The following ADGRG2 variants were observed in gnomAD, a reference collection of about 807,000 sequenced individuals.
The protein encoded by ADGRG2 is G protein-coupled receptor 64.
Under a neutral mutation model 74.1 loss-of-function variants are expected in ADGRG2, and 26 were observed. That is an observed-to-expected ratio of 0.35 (90% CI 0.26 to 0.49). The LOEUF is 0.49. Among genes scored for constraint, ADGRG2 ranks in the 20% least tolerant of loss-of-function variants. The pLI is 0.99. For synonymous variants in ADGRG2, 296 were observed against 295.2 expected, an observed-to-expected ratio of 1.00 and a Z score of -0.03; for missense variants, 619 against 763.1, an observed-to-expected ratio of 0.81 and a Z score of 2.22.
At position 19,009,862 on chromosome X, in the gene ADGRG2, G is replaced by A. The variant is rs1026507117; in HGVS notation, c.1266-80C>T. The A allele has an allele frequency of 7.7e-6, 6 of 774,286 alleles. No individual in the cohort carries two copies. In the Admixed American group the frequency reaches 1.2e-4, roughly 15 times the overall value. The allele number at this position is 774,286 out of a possible 1,213,427, so 63.8% of individuals were successfully genotyped here. ...AGTCTCGCTCTGTTGCCAGGCTGGG[G>A]TGCAGTGGCGTGATCTCGGCTCACT... On this transcript the variant is annotated intron_variant, in intron 17 of 28. Coordinates refer to ENST00000379869, the MANE Select transcript of ADGRG2 (RefSeq NM_001079858.3).
At chrX:19,121,515 C>A (rs2062609152) in intron 1 of ADGRG2, among the ~76,000 whole-genome samples, 2 of 110,889 alleles carry the variant, frequency 1.8e-5, no homozygotes, top group Non-Finnish European at 3.8e-5. Flanking sequence ...GTCTTAGGAC[C>A]TCGTCTCCCA....
At chrX:19,034,946 A>T (rs1478447327) in intron 7 of ADGRG2, 1 of 111,562 alleles carries the variant, frequency 9.0e-6, no homozygotes, top group African/African-American at 3.3e-5. Flanking sequence ...AAAAAAAAAA[A>T]TCTTTTAAAT....
At chrX:19,043,731 G>A (rs1326706737) in intron 3 of ADGRG2, among the ~76,000 whole-genome samples, 1 of 102,727 alleles carries the variant, frequency 9.7e-6, no homozygotes, top group Non-Finnish European at 2.0e-5. Flanking sequence ...CCCATCAATG[G>A]AGTCTCTTTC....
chrX:19,007,106 C>A (rs2060251430), intron 20 of ADGRG2, 129 bp downstream of exon 20: 2 of 616,797 alleles, frequency 3.2e-6, no homozygotes, highest in Non-Finnish European at 5.2e-6. Context: ...TGATTCTAGT[C>A]CTGCAAACTA....
At chrX:19,065,261 C>CAAAAAAAAAA (rs749063279) in intron 3 of ADGRG2, among the ~76,000 whole-genome samples, 10 of 11,094 alleles carry the variant, frequency 9.0e-4, no homozygotes, top group Admixed American at 2.1e-3. Flanking sequence ...GATCCTGTCT[C>CAAAAAAAAAA]AAAAAAAAAA....
chrX:19,069,683 A>G (rs944670342), intron 2 of ADGRG2, among the ~76,000 whole-genome samples: 1 of 111,140 alleles, frequency 9.0e-6, no homozygotes, highest in Admixed American at 9.5e-5. Flanking sequence ...CTTCAGAGGG[A>G]TGGCTTGACA....
chrX:18,992,291 C>T (rs1182190740), intron 28 of ADGRG2, among the ~76,000 whole-genome samples: 4 of 111,265 alleles, frequency 3.6e-5, no homozygotes, highest in Admixed American at 9.5e-5. Flanking sequence ...AAACTTCTAG[C>T]TTTTTTTGTT....
At chrX:19,094,748 C>A (rs1235037870) in intron 1 of ADGRG2, among the ~76,000 whole-genome samples, 4 of 112,620 alleles carry the variant, frequency 3.6e-5, no homozygotes, top group Non-Finnish European at 1.9e-5. Context: ...TGACTCTGCC[C>A]GGTTCCACCG....
chrX:19,101,101 T>TTGTGTGTGTGTGTGTGTG (rs10579733), intron 1 of ADGRG2, among the ~76,000 whole-genome samples: 1 of 89,823 alleles, frequency 1.1e-5, no homozygotes, highest in African/African-American at 4.1e-5. Context: ...AATCATGAGA[T>TTGTGTGTGTGTGTGTGTG]TGTGTGTGTG....
chrX:19,001,879 T>G (rs2060138349), intron 24 of ADGRG2, among the ~76,000 whole-genome samples: 1 of 111,370 alleles, frequency 9.0e-6, no homozygotes, highest in Non-Finnish European at 1.9e-5. Flanking sequence ...ACATCATCAC[T>G]TGGAGCCAGT....
At chrX:19,080,335 C>T (rs1017613497) in intron 2 of ADGRG2, among the ~76,000 whole-genome samples, 4 of 111,364 alleles carry the variant, frequency 3.6e-5, no homozygotes, top group African/African-American at 1.3e-4. Context: ...AAGCCTACTT[C>T]ATCTCTCTCC....
intron 24 of ADGRG2, among the ~76,000 whole-genome samples, chrX:19,002,266 T>C (rs2060145411): frequency 1.8e-5 from 2 of 111,243 alleles, no homozygotes; most frequent in Non-Finnish European, 3.8e-5. Flanking sequence ...GGTGGGAAAT[T>C]GAATGAAGAA....
chrX:19,019,868 A>G (rs2060552461), intron 14 of ADGRG2, among the ~76,000 whole-genome samples: 2 of 111,895 alleles, frequency 1.8e-5, no homozygotes, highest in Non-Finnish European at 3.8e-5. Context: ...ATATTTATTG[A>G]TTTTTTGGGG....
rs1416963273 is a variant in ADGRG2, at chrX:19,019,434, T to TTA, written c.710+164_710+165insTA. On this transcript the variant is annotated intron_variant, in intron 15 of 28. Transcript: ENST00000379869. ...ATGTGCAGCTAAGATTTCAAACCAC[T>TTA]GGTTTAAGGCAGTGGTCCAAGTGGA... 3 of 409,976 alleles carry TTA rather than the reference T, an allele frequency of 7.3e-6. No homozygotes were observed. In the East Asian group the frequency reaches 1.2e-4, roughly 16 times the overall value. 33.8% of individuals were successfully genotyped at this position (409,976 alleles called of 1,213,427 possible).
intron 1 of ADGRG2, among the ~76,000 whole-genome samples, chrX:19,088,803 G>A (rs1212301482): frequency 2.7e-5 from 3 of 111,903 alleles, no homozygotes; most frequent in Admixed American, 9.5e-5. Flanking sequence ...GAGAAAATAC[G>A]ACCAAAAGCT....
chrX:19,007,433 C>A, intron 19 of ADGRG2, 76 bp from the exon 20 acceptor site: 1 of 961,464 alleles, frequency 1.0e-6, no homozygotes, highest in Non-Finnish European at 1.5e-6. Context: ...AAGGAATATT[C>A]AGTCCACATT....
intron 1 of ADGRG2, among the ~76,000 whole-genome samples, chrX:19,086,776 C>T (rs2061941728): frequency 9.0e-6 from 1 of 111,724 alleles, no homozygotes; most frequent in Non-Finnish European, 1.9e-5. Context: ...AGAACCATGA[C>T]ATACAGCATC....
At chrX:19,026,473 A>G (rs1343318567) in intron 11 of ADGRG2, among the ~76,000 whole-genome samples, 1 of 106,673 alleles carries the variant, frequency 9.4e-6, no homozygotes, top group African/African-American at 3.5e-5. Flanking sequence ...TGACATTTTG[A>G]CTTACTGTTT....
intron 4 of ADGRG2, among the ~76,000 whole-genome samples, chrX:19,038,703 T>C (rs1239370760): frequency 8.9e-6 from 1 of 111,894 alleles, no homozygotes; most frequent in East Asian, 2.8e-4. Flanking sequence ...CCCTTGATGC[T>C]ACACTGGCTC....
Sources: allele counts gnomAD v4.1 joint callset (sites outside exome capture counted in the v4.1 genomes callset), GRCh38; gene constraint gnomAD v4.1.1; transcripts MANE v1.5; gene names NCBI Gene and HGNC (gene_info 2026-07-23, HGNC 2026-07-21).